The following RAB21 variants were observed in gnomAD, a reference collection of about 807,000 sequenced individuals.
RAB21 encodes ras-related protein Rab-21.
In RAB21, 13 loss-of-function variants were observed where a neutral mutation model predicts 33.1. That is an observed-to-expected ratio of 0.39 (90% CI 0.26 to 0.62). The LOEUF (loss-of-function observed/expected upper bound fraction) is 0.62, where lower values mean the gene tolerates loss of function less well. RAB21 is among the 20% of genes least tolerant of loss of function. The pLI, the probability that RAB21 is intolerant of heterozygous loss-of-function variation, is 0.48. For synonymous variants in RAB21, 91 were observed against 103.7 expected (o/e 0.88, Z 0.74); for missense variants, 234 against 279.1 (o/e 0.84, Z 1.15).
intron 4 of RAB21, 195 bp downstream of exon 4, chr12:71,774,217 T>C: frequency 3.9e-6 from 1 of 255,444 alleles, no homozygotes; most frequent in Non-Finnish European, 6.8e-6. Context: ...GAGGCCAAAG[T>C]GGGTGGATCA....
rs373586239 is a variant in RAB21 at position 71,785,561 on chromosome 12, G to A, written c.566G>A (p.Arg189Lys). Residue 189 changes from arginine (R) to lysine (K), a missense_variant, in exon 7 of 7, where the codon AGA becomes AAA. Transcript: ENST00000261263. ...RMIETAQVDE[R>K]AKGNGSSQPG... The stretch of plus-strand genomic sequence containing the variant: ...ATAGAAACAGCACAAGTGGATGAGA[G>A]AGCAAAAGGCAATGGCTCTAGTCAG... 16 of 1,614,060 alleles carry A rather than the reference G, an allele frequency of 9.9e-6. No homozygotes were observed. The highest frequency in any genetic ancestry group is 1.4e-5 in the Non-Finnish European group (16 of 1,180,010).
In RAB21 at chr12:71,789,754, A is replaced by C. The variant is rs1354337499; in HGVS notation, c.*4081A>C. ...TTTCATAATATGCATTGATTTTAGT[A>C]TGTTGCTGTTCTGTTATCTGTAATC... On this transcript the variant is annotated 3_prime_UTR_variant, in exon 7 of 7. Coordinates refer to ENST00000261263, the MANE Select transcript of RAB21 (RefSeq NM_014999.4). 1 of 152,120 alleles carries C rather than the reference A, an allele frequency of 6.6e-6. No individual in the cohort carries two copies. Among genetic ancestry groups the C allele is most frequent in the Non-Finnish European group, 1.5e-5 (1 of 67,980 alleles). 9.4% of individuals were successfully genotyped at this position (152,120 alleles called of 1,614,324 possible). A position where few individuals can be genotyped will look rare whatever the true frequency, so the allele number is the denominator to read the frequency against.
Position 71,756,462 on chromosome 12 carries a change from C to T in RAB21, c.159+1174C>T, listed in dbSNP as rs369609572. Among the ~76,000 whole-genome samples, 9 of 152,258 alleles carry T rather than the reference C, an allele frequency of 5.9e-5. No individual in the cohort carries two copies. The East Asian group carries it at 1.7e-3, about 29-fold the overall frequency. On this transcript the variant is annotated intron_variant, in intron 1 of 6. Transcript: ENST00000261263. ...ACTACTTAATAGAATGCGTAATCTC[C>T]TAATTGTTGTGACATTGGATGTTTG...
intron 1 of RAB21, among the ~76,000 whole-genome samples, chr12:71,755,927 C>T (rs1251794636): frequency 2.0e-5 from 3 of 152,136 alleles, no homozygotes; most frequent in African/African-American, 7.2e-5. Context: ...ACAATTGGTC[C>T]CCAGACTAAA....
chr12:71,769,681 G>A (rs1467024972), intron 1 of RAB21, 119 bp from the exon 2 acceptor site: 11 of 448,238 alleles, frequency 2.5e-5, no homozygotes, highest in African/African-American at 8.2e-5. Context: ...TTTAAAACTC[G>A]GTGATTACTT....
chr12:71,762,812 C>G (rs1176805028), intron 1 of RAB21, among the ~76,000 whole-genome samples: 1 of 151,988 alleles, frequency 6.6e-6, no homozygotes, highest in African/African-American at 2.4e-5. Context: ...GAACTCCTGA[C>G]CTCAGGTGAT....
At chr12:71,761,071 G>T (rs1847296652) in intron 1 of RAB21, among the ~76,000 whole-genome samples, 1 of 151,952 alleles carries the variant, frequency 6.6e-6, no homozygotes, top group African/African-American at 2.4e-5. Flanking sequence ...GCTGGGCATG[G>T]TGATGCACAC....
chr12:71,769,453 ATCTTAGAAATC>A lies in RAB21; in HGVS notation c.160-339_160-329del, dbSNP rs536663902. Among the ~76,000 whole-genome samples the A allele has an allele frequency of 6.8e-4, 104 of 152,290 alleles. 2 individuals carry two copies. In the East Asian group the frequency reaches 0.012, roughly 17 times the overall value. ...TAAACCACCAGTAAACATTTATTTTATCTTAGAAATCTCTTAGACTCTTTCTTTCTGTGATA... is the reference window on the plus strand; with the variant it reads ...TAAACCACCAGTAAACATTTATTTTATCTTAGACTCTTTCTTTCTGTGATA... On this transcript the variant is annotated intron_variant, in intron 1 of 6. Coordinates refer to ENST00000261263, the MANE Select transcript of RAB21 (RefSeq NM_014999.4).
chr12:71,764,955 CT>C (rs1201301685), intron 1 of RAB21, among the ~76,000 whole-genome samples: 1 of 152,070 alleles, frequency 6.6e-6, no homozygotes, highest in African/African-American at 2.4e-5. Context: ...ACTTCTTTTC[CT>C]TTGGGTAAAT....
intron 1 of RAB21, among the ~76,000 whole-genome samples, chr12:71,760,491 G>A (rs563338514): frequency 6.6e-6 from 1 of 152,312 alleles, no homozygotes; most frequent in African/African-American, 2.4e-5. Context: ...TGGAATTTAC[G>A]AAGGCAATAC....
At chr12:71,762,540 C>T (rs1451978745) in intron 1 of RAB21, among the ~76,000 whole-genome samples, 2 of 151,970 alleles carry the variant, frequency 1.3e-5, no homozygotes, top group East Asian at 3.9e-4. Context: ...CTCCTGACCT[C>T]GTGATCCGCC....
chr12:71,755,311 G>A, intron 1 of RAB21, 23 bp downstream of exon 1: 2 of 1,494,662 alleles, frequency 1.3e-6, no homozygotes, highest in South Asian at 1.3e-5. Context: ...GGGAGCGGGA[G>A]GGGGCGCCTC....
chr12:71,797,073 C>A lies in RAB21; in HGVS notation c.*11400C>A, dbSNP rs1364289615. The A allele has an allele frequency of 6.6e-6, 1 of 152,062 alleles. No individual in the cohort carries two copies. The highest frequency in any genetic ancestry group is 1.5e-5 in the Non-Finnish European group (1 of 67,988). 9.4% of individuals were successfully genotyped at this position (152,062 alleles called of 1,614,324 possible). A position where few individuals can be genotyped will look rare whatever the true frequency, so the allele number is the denominator to read the frequency against. On this transcript the variant is annotated 3_prime_UTR_variant, in exon 7 of 7. Coordinates refer to ENST00000261263, the MANE Select transcript of RAB21 (RefSeq NM_014999.4). ...TTCATAATGGGGGTTAGTCATAAAC[C>A]ATTCTATGTGGAGCATTTTACAGGG...
At chr12:71,781,386 G>A (rs561311489) in intron 4 of RAB21, among the ~76,000 whole-genome samples, 5 of 151,698 alleles carry the variant, frequency 3.3e-5, no homozygotes, top group African/African-American at 9.7e-5. Context: ...GGAGAATGGC[G>A]TGAACCCGGG....
intron 1 of RAB21, among the ~76,000 whole-genome samples, chr12:71,763,609 T>G (rs1053278478): frequency 7.2e-5 from 11 of 152,172 alleles, no homozygotes; most frequent in Middle Eastern, 3.2e-3. Flanking sequence ...CTAATAAGAT[T>G]GTTAATTTTG....
At chr12:71,781,887 A>C (rs752094924) in intron 4 of RAB21, 144 bp from the exon 5 acceptor site, 45 of 605,218 alleles carry the variant, frequency 7.4e-5, no homozygotes, top group Non-Finnish European at 7.5e-5. Context: ...GCTTAACTTT[A>C]TAATTTCAAG....
chr12:71,785,052 C>T (rs755809900), intron 6 of RAB21, among the ~76,000 whole-genome samples: 1 of 152,152 alleles, frequency 6.6e-6, no homozygotes, highest in Admixed American at 6.5e-5. Context: ...GTGATGATCA[C>T]ACCACTGCAC....
In RAB21 at chr12:71,797,168, A is replaced by G. The variant is rs529651615; in HGVS notation, c.*11495A>G. On this transcript the variant is annotated 3_prime_UTR_variant, in exon 7 of 7. Coordinates refer to ENST00000261263, the MANE Select transcript of RAB21 (RefSeq NM_014999.4). ...AAGGAACTTAAAAACCTATTGGAAG[A>G]TTTATTTAACAGAGGTAAGAGAATT... 1.5e-4 allele frequency: 23 copies of G among 152,306 alleles called. No homozygotes were observed. Among genetic ancestry groups the G allele is most frequent in the African/African-American group, 4.8e-4 (20 of 41,580 alleles). The allele number at this position is 152,306 out of a possible 1,614,324, so 9.4% of individuals were successfully genotyped here. A position where few individuals can be genotyped will look rare whatever the true frequency, so the allele number is the denominator to read the frequency against.
chr12:71,761,289 A>T (rs1264208414), intron 1 of RAB21, among the ~76,000 whole-genome samples: 15 of 152,220 alleles, frequency 9.9e-5, no homozygotes, highest in Admixed American at 9.8e-4. Flanking sequence ...TGGCTCAGTA[A>T]TCCCAGCACT....
Sources: allele counts gnomAD v4.1 joint callset (sites outside exome capture counted in the v4.1 genomes callset), GRCh38; gene constraint gnomAD v4.1.1; transcripts MANE v1.5; gene names NCBI Gene and HGNC (gene_info 2026-07-23, HGNC 2026-07-21).